Variants in SORBS3 observed in about 807,000 individuals in gnomAD.
The protein encoded by SORBS3 is sorbin and SH3 domain containing 3.
SORBS3 carries 69 observed loss-of-function variants against 98.0 expected under a neutral mutation model. That is an observed-to-expected ratio of 0.70 (90% CI 0.58 to 0.86). SORBS3 has a LOEUF of 0.86. SORBS3 is among the 40% of genes least tolerant of loss of function. The pLI is 0.00. For synonymous variants in SORBS3, 394 were observed against 355.4 expected (o/e 1.11, Z -1.22); for missense variants, 954 against 908.5 (o/e 1.05, Z -0.64).
intron 4 of SORBS3, among the ~76,000 whole-genome samples, chr8:22,557,786 C>T (rs1459484362): frequency 2.6e-5 from 4 of 152,200 alleles, no homozygotes. Flanking sequence ...GCACTCCAGC[C>T]TGTGTGACAC....
chr8:22,555,106 T>C (rs2117217520), intron 3 of SORBS3, 126 bp downstream of exon 3: 3 of 785,380 alleles, frequency 3.8e-6, no homozygotes, highest in Admixed American at 4.5e-5. Context: ...AGGAGGTTCC[T>C]CAGAGGCCTC....
chr8:22,569,814 C>T (rs1840525619), intron 17 of SORBS3, among the ~76,000 whole-genome samples: 2 of 151,930 alleles, frequency 1.3e-5, no homozygotes. Flanking sequence ...CTCAAGCGAT[C>T]CCCTGTCCCT....
chr8:22,549,947 G>A, upstream of SORBS3: 1 of 983,028 alleles, frequency 1.0e-6, no homozygotes, highest in Non-Finnish European at 1.2e-6. Context: ...TGCTGGTGAG[G>A]GGGTATGGCC....
exon 1 of SORBS3, chr8:22,545,018 C>T (rs1471701582): frequency 6.6e-6 from 1 of 152,218 alleles, no homozygotes; most frequent in Non-Finnish European, 1.5e-5. Flanking sequence ...AGGGTGAACC[C>T]AGGGCCCATC....
At position 22,569,145 on chromosome 8, in the gene SORBS3, C is replaced by T. The variant is rs780135163; in HGVS notation, c.1306-3C>T. ...ATCTTTCTCATGACCTTTCTTCATG[C>T]AGGTGCTGCCCGCAGATGAGATCCC... On this transcript the variant is annotated splice_region_variant and splice_polypyrimidine_tract_variant and intron_variant, in intron 16 of 20. Transcript: ENST00000240123. 1 of 1,601,944 alleles carries T rather than the reference C, an allele frequency of 6.2e-7. No homozygotes were observed. Among genetic ancestry groups the T allele is most frequent in the Non-Finnish European group, 8.5e-7 (1 of 1,174,216 alleles).
In SORBS3 at chr8:22,575,547, G is replaced by A. The variant is rs1348953367; in HGVS notation, c.*819G>A. 6.5e-6 allele frequency: 1 copy of A among 153,094 alleles called. No individual in the cohort carries two copies. Among genetic ancestry groups the A allele is most frequent in the Non-Finnish European group, 1.5e-5 (1 of 68,618 alleles). The allele number at this position is 153,094 out of a possible 1,614,324, so 9.5% of individuals were successfully genotyped here. A position where few individuals can be genotyped will look rare whatever the true frequency, so the allele number is the denominator to read the frequency against. ...GGTAGGGGATGCCTCCTCCTGTCTA[G>A]GAGATGGGAATTCCTTCTGTGGAGG... On this transcript the variant is annotated 3_prime_UTR_variant, in exon 21 of 21. Coordinates refer to ENST00000240123, the MANE Select transcript of SORBS3 (RefSeq NM_005775.5).
At chr8:22,547,129 C>T (rs116774412), upstream of SORBS3, among the ~76,000 whole-genome samples, 443 of 152,192 alleles carry the variant, frequency 2.9e-3, 1 homozygote, top group African/African-American at 0.01. Flanking sequence ...CCAGTGGCAT[C>T]CTGATGTAGC....
intron 3 of SORBS3, among the ~76,000 whole-genome samples, chr8:22,555,822 G>A (rs1176303717): frequency 6.6e-6 from 1 of 152,208 alleles, no homozygotes; most frequent in Non-Finnish European, 1.5e-5. Context: ...CTGCACTCCA[G>A]CCTGGGCAAC....
In SORBS3 at chr8:22,554,111, G is replaced by C. The variant is rs1035570221; in HGVS notation, c.-55-341G>C. On this transcript the variant is annotated intron_variant, in intron 1 of 20. Coordinates refer to ENST00000240123, the MANE Select transcript of SORBS3 (RefSeq NM_005775.5). This position sits in a 1 kb window ranked among gnomAD's most constrained non-coding sequence, Gnocchi z 6.5. ...CCACTTCCCCTGCGCCTTCCCTCCGGGGGAGTGGGGAAGCCAGCTGCACCC... is the reference window on the plus strand; with the variant it reads ...CCACTTCCCCTGCGCCTTCCCTCCGCGGGAGTGGGGAAGCCAGCTGCACCC... The C allele has an allele frequency of 1.7e-3, 295 of 174,682 alleles. 2 individuals carry two copies. Among genetic ancestry groups the C allele is most frequent in the Non-Finnish European group, 1.2e-3 (99 of 82,114 alleles). The allele number at this position is 174,682 out of a possible 1,614,324, so 10.8% of individuals were successfully genotyped here. A position where few individuals can be genotyped will look rare whatever the true frequency, so the allele number is the denominator to read the frequency against.
upstream of SORBS3, among the ~76,000 whole-genome samples, chr8:22,549,497 T>C (rs1840051389): frequency 6.6e-6 from 1 of 152,168 alleles, no homozygotes; most frequent in Non-Finnish European, 1.5e-5. Flanking sequence ...AGAGAAGGAA[T>C]TCTTCTCTTT....
intron 17 of SORBS3, among the ~76,000 whole-genome samples, chr8:22,570,168 C>T (rs931587046): frequency 1.1e-4 from 16 of 152,182 alleles, no homozygotes; most frequent in African/African-American, 2.4e-4. Context: ...AAGCGAAAGA[C>T]GGCCCATAGT....
intron 18 of SORBS3, among the ~76,000 whole-genome samples, chr8:22,571,458 G>A (rs566161927): frequency 1.3e-5 from 2 of 152,278 alleles, no homozygotes; most frequent in Admixed American, 6.5e-5. Context: ...CCTGACCCTG[G>A]GTGTTCTTGG....
intron 3 of SORBS3, among the ~76,000 whole-genome samples, chr8:22,556,487 G>A (rs1262979514): frequency 6.6e-6 from 1 of 152,150 alleles, no homozygotes; most frequent in Non-Finnish European, 1.5e-5. Flanking sequence ...ATAGTCCCAG[G>A]AAAGAAGGAT....
At chr8:22,564,176 C>G (rs1259305740) in intron 8 of SORBS3, 99 bp downstream of exon 8, 1 of 1,484,550 alleles carries the variant, frequency 6.7e-7, no homozygotes, top group Non-Finnish European at 9.3e-7. Flanking sequence ...CCTTGGAGGA[C>G]ACCGTGGGCC....
At chr8:22,564,857 C>T in intron 10 of SORBS3, 1 of 1,242,040 alleles carries the variant, frequency 8.1e-7, no homozygotes, top group Non-Finnish European at 1.0e-6. Flanking sequence ...CAGAGGCTGG[C>T]AGGAAGCAGC....
At chr8:22,566,170 C>A in intron 12 of SORBS3, 175 bp from the exon 13 acceptor site, 1 of 893,284 alleles carries the variant, frequency 1.1e-6, no homozygotes. Context: ...GGGCCTCACC[C>A]TTCCCCGCGC....
upstream of SORBS3, among the ~76,000 whole-genome samples, chr8:22,547,570 C>T (rs1055169859): frequency 2.0e-5 from 3 of 152,192 alleles, no homozygotes; most frequent in African/African-American, 7.2e-5. Flanking sequence ...TCGCAGTCTA[C>T]CTGAGCTGGG....
At chr8:22,553,340 G>A (rs1840121869) in intron 1 of SORBS3, among the ~76,000 whole-genome samples, 1 of 152,170 alleles carries the variant, frequency 6.6e-6, no homozygotes, top group South Asian at 2.1e-4. Context: ...GACCCCACAG[G>A]CACAGGCAAA....
Position 22,554,646 on chromosome 8 carries a change from C to T in SORBS3, c.102+38C>T. ...GTAGGGAGGAGGGTGTCCTGCGGGC[C>T]CGGAGTTGGTTGGGACGCTAGCAGG... On this transcript the variant is annotated intron_variant, in intron 2 of 20. Transcript: ENST00000240123. The surrounding 1 kb of genome is among the most constrained non-coding windows in gnomAD (Gnocchi z 6.5). 1 of 1,580,170 alleles carries T rather than the reference C, an allele frequency of 6.3e-7. No homozygotes were observed. Among genetic ancestry groups the T allele is most frequent in the Non-Finnish European group, 8.6e-7 (1 of 1,166,476 alleles).
Sources: gnomAD v4.1 joint callset for allele counts (sites outside exome capture counted in the v4.1 genomes callset) on GRCh38, gnomAD v4.1.1 for gene constraint, Gnocchi (gnomAD v3.1) non-coding constraint, MANE v1.5 for transcripts, NCBI Gene and HGNC (gene_info 2026-07-23, HGNC 2026-07-21) for gene names.